Variants in TSC1 observed in about 807,000 individuals in gnomAD.
TSC1 encodes the protein TSC complex subunit 1, also known as hamartin.
Under a neutral mutation model 124.3 loss-of-function variants are expected in TSC1, and 20 were observed. The observed-to-expected ratio is 0.16, with a 90% confidence interval of 0.11 to 0.23. The LOEUF (loss-of-function observed/expected upper bound fraction) is 0.23, where lower values mean the gene tolerates loss of function less well. Among genes scored for constraint, TSC1 ranks in the 10% least tolerant of loss-of-function variants. TSC1 has a pLI of 1.00. For missense variants in TSC1, 1,124 were observed against 1,448.5 expected, an observed-to-expected ratio of 0.78 and a Z score of 3.64; for synonymous variants, 493 against 539.1, an observed-to-expected ratio of 0.91 and a Z score of 1.19.
In TSC1 at chr9:132,928,784, T is replaced by C. The variant is rs796053452; in HGVS notation, c.89A>G (p.Lys30Arg). 75 of 1,614,060 alleles carry C rather than the reference T, an allele frequency of 4.6e-5. No homozygotes were observed. The highest frequency in any genetic ancestry group is 5.8e-5 in the Non-Finnish European group (68 of 1,180,016). ...GVRDDVTAVF[K>R]ENLNSDRGPM... ...TTGCTAACCAGAATTGAGGTTCTCT[T>C]TAAAGACAGCTGTCACGTCGTCCCG... Residue 30 changes from lysine to arginine, a missense_variant, in exon 3 of 23, where the codon AAA becomes AGA. Around this residue, in one of 5 missense-constraint regions of TSC1, gnomAD observed 463 missense variants for 606.8 expected, o/e 0.76. Coordinates refer to ENST00000298552, the MANE Select transcript of TSC1 (RefSeq NM_000368.5).
intron 8 of TSC1, chr9:132,913,027 A>G (rs1846052636): frequency 1.3e-5 from 2 of 154,160 alleles, no homozygotes; most frequent in African/African-American, 4.8e-5. Context: ...GCTACCTCCA[A>G]CTCCTAGGCT....
At chr9:132,912,185 AAC>A in intron 9 of TSC1, 95 bp downstream of exon 9, 1 of 1,474,086 alleles carries the variant, frequency 6.8e-7, no homozygotes. Context: ...CTAGGAACTG[AAC>A]TAAGTCTTAC....
chr9:132,937,898 T>C (rs1847545896), intron 1 of TSC1, among the ~76,000 whole-genome samples: 1 of 152,126 alleles, frequency 6.6e-6, no homozygotes, highest in Non-Finnish European at 1.5e-5. Context: ...TATTTTTTTG[T>C]AGAGACAGGG....
At position 132,912,365 on chromosome 9, in the gene TSC1, A is replaced by G. The variant is rs200749357; in HGVS notation, c.830T>C (p.Val277Ala). 6.2e-6 allele frequency: 10 copies of G among 1,614,228 alleles called. No homozygotes were observed. The African/African-American group carries it at 1.2e-4, about 19-fold the overall frequency. ...AAAGCGGGCTGAGATTTGGTGAGAC[A>G]CAGAATAGCCATCTTCATATGAGGC... ...TEASYEDGYS[V>A]SHQISARFPH... The change falls in exon 9 of 23, where the codon GTG (valine) becomes GCG (alanine). Residue 277 changes from valine to alanine, a missense_variant. Physicochemically the swap from Val to Ala is moderately conservative, Grantham distance 64. This residue lies in a region of TSC1 where 463 missense variants were observed against 606.8 expected (regional missense o/e 0.76). Transcript: ENST00000298552.
chr9:132,902,650 C>T lies in TSC1; in HGVS notation c.2346G>A (p.Leu782=), dbSNP rs747968526. The T allele has an allele frequency of 6.2e-7, 1 of 1,614,218 alleles. No homozygotes were observed. Among genetic ancestry groups the T allele is most frequent in the Non-Finnish European group, 8.5e-7 (1 of 1,180,038 alleles). The change falls in exon 18 of 23, where the codon CTG becomes CTA. Residue 782 remains leucine (L), a synonymous_variant. Transcript: ENST00000298552. This position sits in a 1 kb window ranked among gnomAD's most constrained non-coding sequence, Gnocchi z 5.2. ...TGTAGAATTCCTCTCGGTCATGCTG[C>T]AGCTGTCTGATCTGGCTGTGGAGCT... ...VTKLHSQIRQ[L]QHDREEFYNQ...
intron 2 of TSC1, among the ~76,000 whole-genome samples, chr9:132,930,611 A>G (rs112933688): frequency 2.0e-4 from 30 of 150,868 alleles, no homozygotes; most frequent in African/African-American, 5.1e-4. Context: ...AAAAAAAAAA[A>G]AGAGAGAGAT....
At position 132,906,161 on chromosome 9, in the gene TSC1, A is replaced by G. The variant is rs774060117; in HGVS notation, c.1439-22T>C. 8.7e-6 allele frequency: 14 copies of G among 1,608,992 alleles called. No homozygotes were observed. The highest frequency in any genetic ancestry group is 1.7e-5 in the Admixed American group (1 of 59,590). On this transcript the variant is annotated intron_variant, in intron 14 of 22. Coordinates refer to ENST00000298552, the MANE Select transcript of TSC1 (RefSeq NM_000368.5). This position sits in a 1 kb window ranked among gnomAD's most constrained non-coding sequence, Gnocchi z 4.1. ...GCAGCTGAGAGGAAGAGAGGAAACAAAAGAAATGGCAGTCGGTATTCCACC... is the reference window on the plus strand; with the variant it reads ...GCAGCTGAGAGGAAGAGAGGAAACAGAAGAAATGGCAGTCGGTATTCCACC...
At chr9:132,930,359 C>T (rs1588366405) in intron 2 of TSC1, among the ~76,000 whole-genome samples, 1 of 152,094 alleles carries the variant, frequency 6.6e-6, no homozygotes. Flanking sequence ...GAGGCCGAGG[C>T]AGGCAGATCA....
rs757752536 is a variant in TSC1, at chr9:132,921,445, G to A, written c.664-9C>T. On this transcript the variant is annotated splice_polypyrimidine_tract_variant and intron_variant, in intron 7 of 22. Coordinates refer to ENST00000298552, the MANE Select transcript of TSC1 (RefSeq NM_000368.5). The surrounding 1 kb of genome is among the most constrained non-coding windows in gnomAD (Gnocchi z 4.3). ...ACATGCTCCATCATTGGCTAGAAGA[G>A]TTGGGTTGACAAATTATAAAGGGCT... 1.2e-5 allele frequency: 19 copies of A among 1,614,080 alleles called. No homozygotes were observed. The highest frequency in any genetic ancestry group is 1.6e-5 in the Non-Finnish European group (19 of 1,179,970).
chr9:132,943,424 C>T (rs115620188), intron 1 of TSC1: 1 of 152,168 alleles, frequency 6.6e-6, no homozygotes, highest in East Asian at 1.9e-4. Context: ...TAAACAGACA[C>T]ACGTGCATAA....
At position 132,938,187 on chromosome 9, in the gene TSC1, T is replaced by C. The variant is rs372127861; in HGVS notation, c.-143-3092A>G. On this transcript the variant is annotated intron_variant, in intron 1 of 22. Transcript: ENST00000298552. ...AAGTGTTTATTGACTTATTCATTTGTATTTCAATCCTGTCCTATGGGGGTA... is the reference window on the plus strand; with the variant it reads ...AAGTGTTTATTGACTTATTCATTTGCATTTCAATCCTGTCCTATGGGGGTA... Among the ~76,000 whole-genome samples, 4 of 152,378 alleles carry C rather than the reference T, an allele frequency of 2.6e-5. No individual in the cohort carries two copies. In the South Asian group the frequency reaches 6.2e-4, roughly 24 times the overall value.
rs555064596 is a variant in TSC1, at chr9:132,902,484, GA to G, written c.2391+120del. The G allele has an allele frequency of 3.4e-4, 426 of 1,264,526 alleles. 1 individual carries two copies. The African/African-American group carries it at 5.6e-3, about 17-fold the overall frequency. The allele number at this position is 1,264,526 out of a possible 1,614,324, so 78.3% of individuals were successfully genotyped here. ...AGAATTTCTGCCATGATTTCAGAGA[GA>G]AAAGCATTCAGCTTAGTAAAGCTGA... On this transcript the variant is annotated intron_variant, in intron 18 of 22. Coordinates refer to ENST00000298552, the MANE Select transcript of TSC1 (RefSeq NM_000368.5). The surrounding 1 kb of genome is among the most constrained non-coding windows in gnomAD (Gnocchi z 5.2).
chr9:132,896,778 AAAG>A lies in TSC1; in HGVS notation c.2976-27_2976-25del, dbSNP rs762149493. On this transcript the variant is annotated intron_variant, in intron 22 of 22. Coordinates refer to ENST00000298552, the MANE Select transcript of TSC1 (RefSeq NM_000368.5). The surrounding 1 kb of genome is among the most constrained non-coding windows in gnomAD (Gnocchi z 4.5). Reference sequence around the variant, plus strand: ...GCCTGTAAGAAAGCCGGGGAGGAAAAAAGGAGCTGGTGATTGGACTGTCCACAT... The same window carrying A: ...GCCTGTAAGAAAGCCGGGGAGGAAAAGAGCTGGTGATTGGACTGTCCACAT... The A allele has an allele frequency of 1.5e-5, 25 of 1,613,338 alleles. No individual in the cohort carries two copies. Among genetic ancestry groups the A allele is most frequent in the Admixed American group, 3.3e-5 (2 of 59,998 alleles).
rs545775532 is a variant in TSC1 at position 132,897,674 on chromosome 9, T to C, written c.2626-64A>G. ...ATAAAAAATAAACATGCTGTATCCA[T>C]TTTGAAAAGACAATGTAAGAAGGAC... On this transcript the variant is annotated intron_variant, in intron 20 of 22. Coordinates refer to ENST00000298552, the MANE Select transcript of TSC1 (RefSeq NM_000368.5). 1.9e-5 allele frequency: 29 copies of C among 1,557,042 alleles called. No individual in the cohort carries two copies. The South Asian group carries it at 3.5e-4, about 19-fold the overall frequency.
In TSC1 at chr9:132,923,382, A is replaced by C; in HGVS notation, c.474T>G (p.Phe158Leu). The C allele has an allele frequency of 6.2e-7, 1 of 1,614,168 alleles. No homozygotes were observed. The highest frequency in any genetic ancestry group is 8.5e-7 in the Non-Finnish European group (1 of 1,179,998). Reference protein sequence around the residue: ...KQHLLDFFDIFGRLSSWCLKK... With the variant: ...KQHLLDFFDILGRLSSWCLKK... ...TCAGGCACCATGATGACAGACGGCC[A>C]AAAATGTCAAAGAAATCAAGAAGAT... Residue 158 changes from phenylalanine (F) to leucine (L), a missense_variant, in exon 6 of 23, where the codon TTT (phenylalanine) becomes TTG (leucine). By Grantham distance (22) the Phe-to-Leu change is conservative. Transcript: ENST00000298552. The surrounding 1 kb of genome is among the most constrained non-coding windows in gnomAD (Gnocchi z 4.2).
chr9:132,936,931 C>CT (rs1847482130), intron 1 of TSC1, among the ~76,000 whole-genome samples: 1 of 152,200 alleles, frequency 6.6e-6, no homozygotes, highest in African/African-American at 2.4e-5. Flanking sequence ...GAGGAACTCT[C>CT]TAACAATTAA....
intron 8 of TSC1, among the ~76,000 whole-genome samples, chr9:132,913,797 G>C (rs1245424151): frequency 7.8e-6 from 1 of 128,020 alleles, no homozygotes; most frequent in Non-Finnish European, 1.6e-5. Context: ...CTGCACTCCA[G>C]CCTGGGCGAT....
rs1311647964 is a variant in TSC1 at position 132,911,027 on chromosome 9, A to G, written c.1116T>C (p.Pro372=). Residue 372 remains proline (P), a synonymous_variant, in exon 11 of 23, where the codon CCT becomes CCC. Transcript: ENST00000298552. ...CAGTTGTACCAAAGACTTTACTGTA[A>G]GGGTGTGACAGATCAGGTGGGACAT... ...PGNVPPDLSH[P]YSKVFGTTAG... is the part of the protein sequence containing the mutation. 6.2e-6 allele frequency: 10 copies of G among 1,614,074 alleles called. No individual in the cohort carries two copies. Among genetic ancestry groups the G allele is most frequent in the African/African-American group, 1.3e-5 (1 of 74,932 alleles).
Position 132,927,308 on chromosome 9 carries a change from A to T in TSC1, c.107-4T>A. 1 of 1,613,296 alleles carries T rather than the reference A, an allele frequency of 6.2e-7. No individual in the cohort carries two copies. Among genetic ancestry groups the T allele is most frequent in the Non-Finnish European group, 8.5e-7 (1 of 1,179,610 alleles). On this transcript the variant is annotated splice_polypyrimidine_tract_variant and splice_region_variant and intron_variant, in intron 3 of 22. Transcript: ENST00000298552. ...TTTACAAGCATAGGGCCACGGTCTA[A>T]ATCAAGAAAAGGGCAATGGATGATA...
Sources: allele counts gnomAD v4.1 joint callset (sites outside exome capture counted in the v4.1 genomes callset), GRCh38; gene constraint gnomAD v4.1.1; regional missense constraint gnomAD v4.1.1; non-coding constraint Gnocchi (gnomAD v3.1); transcripts MANE v1.5; gene names NCBI Gene and HGNC (gene_info 2026-07-23, HGNC 2026-07-21).